GREB1L: variants seen among roughly 807,000 people sequenced by gnomAD.
GREB1L encodes the protein GREB1-like protein.
A neutral mutation model predicts 200.8 loss-of-function variants in GREB1L; 17 were observed. The observed-to-expected ratio is 0.08, with a 90% CI of 0.06 to 0.13. The LOEUF (loss-of-function observed/expected upper bound fraction) is 0.13, where lower values mean the gene tolerates loss of function less well. Among genes scored for constraint, GREB1L ranks in the 10% least tolerant of loss-of-function variants. GREB1L has a pLI of 1.00. For missense variants in GREB1L, 1,657 were observed against 2,367.7 expected (o/e 0.70, Z 6.23); for synonymous variants, 789 against 893.0 (o/e 0.88, Z 2.08).
At chr18:21,522,348 C>G (rs1470488562) in intron 32 of GREB1L, among the ~76,000 whole-genome samples, 2 of 151,924 alleles carry the variant, frequency 1.3e-5, no homozygotes, top group Non-Finnish European at 2.9e-5. Flanking sequence ...GTGGCAGACA[C>G]CTGTAGTCTC....
chr18:21,372,150 CT>C (rs1010758595), intron 2 of GREB1L, among the ~76,000 whole-genome samples: 2,306 of 139,330 alleles, frequency 0.017, 44 homozygotes, highest in African/African-American at 0.049. Flanking sequence ...ATTTGTCTCT[CT>C]TTTTTTTTTT....
chr18:21,401,055 G>A, intron 5 of GREB1L, 95 bp from the exon 6 acceptor site: 1 of 979,892 alleles, frequency 1.0e-6, no homozygotes, highest in Non-Finnish European at 1.5e-6. Context: ...GACATTTTTG[G>A]GTCAAAGAAT....
intron 7 of GREB1L, among the ~76,000 whole-genome samples, chr18:21,426,876 G>A (rs58424895): frequency 0.2 from 30,657 of 149,826 alleles, 3,764 homozygotes; most frequent in East Asian, 0.43. Context: ...GGAGAATGGC[G>A]TGAACCCGGG....
chr18:21,288,969 C>T lies in GREB1L; in HGVS notation c.-120+46576C>T, dbSNP rs191509531. Among the ~76,000 whole-genome samples, 99 of 152,252 alleles carry T rather than the reference C, an allele frequency of 6.5e-4. No individual in the cohort carries two copies. In the Middle Eastern group the frequency reaches 0.014, roughly 21 times the overall value. ...GCCAGGCTGGTCTGTAACTCCTGAC[C>T]TCATGATCCACTCGCCTCGGCCTCC... On this transcript the variant is annotated intron_variant, in intron 1 of 32. Transcript: ENST00000424526.
chr18:21,468,885 G>A (rs1229298328), intron 15 of GREB1L: 1 of 426,186 alleles, frequency 2.3e-6, no homozygotes, highest in Non-Finnish European at 4.7e-6. Flanking sequence ...ATTAAATTGA[G>A]GTTTTGAGTT....
At chr18:21,342,625 A>G (rs756640719) in intron 1 of GREB1L, among the ~76,000 whole-genome samples, 55 of 152,110 alleles carry the variant, frequency 3.6e-4, no homozygotes, top group Non-Finnish European at 7.3e-4. Context: ...CTGGTGTCTT[A>G]ACTAATGTGA....
rs1196081632 is a variant in GREB1L at position 21,444,321 on chromosome 18, A to G, written c.1305A>G (p.Lys435=). The change falls in exon 11 of 33, where the codon AAA becomes AAG. Residue 435 remains lysine, a synonymous_variant. Transcript: ENST00000424526. ...NCYKIPQLEN[K]DLEKLGLTGS... ...ACAAGATTCCACAGTTGGAAAACAA[A>G]GATTTGGAAAAATTAGGGTTGACCG... 6.4e-7 allele frequency: 1 copy of G among 1,552,080 alleles called. No homozygotes were observed. The highest frequency in any genetic ancestry group is 2.0e-5 in the Admixed American group (1 of 51,002).
At chr18:21,348,510 C>T (rs1263942720) in intron 1 of GREB1L, among the ~76,000 whole-genome samples, 1 of 152,032 alleles carries the variant, frequency 6.6e-6, no homozygotes, top group Non-Finnish European at 1.5e-5. Context: ...CACAGTGGCT[C>T]ATGTCTGTAA....
intron 1 of GREB1L, among the ~76,000 whole-genome samples, chr18:21,351,589 C>G (rs1220129804): frequency 6.7e-6 from 1 of 148,232 alleles, no homozygotes; most frequent in Non-Finnish European, 1.5e-5. Flanking sequence ...AAAAAAAAGG[C>G]ACAGAGATGG....
In GREB1L at chr18:21,389,819, G is replaced by C. The variant is rs564881786; in HGVS notation, c.355+5416G>C. ...GGACTCATTAACAAGTATGAAATAG[G>C]TGAATGCCGACACAGTCAATGGCTG... On this transcript the variant is annotated intron_variant, in intron 4 of 32. Coordinates refer to ENST00000424526, the MANE Select transcript of GREB1L (RefSeq NM_001142966.3). Among the ~76,000 whole-genome samples the C allele has an allele frequency of 6.1e-4, 93 of 152,294 alleles. No individual in the cohort carries two copies. In the South Asian group the frequency reaches 0.018, roughly 30 times the overall value.
intron 18 of GREB1L, among the ~76,000 whole-genome samples, chr18:21,487,621 G>A (rs1351006215): frequency 1.3e-5 from 2 of 152,154 alleles, no homozygotes; most frequent in African/African-American, 2.4e-5. Context: ...ATAAAATCTA[G>A]AGCTAGCTTT....
rs770688302 is a variant in GREB1L, at chr18:21,526,025, T to C, written c.*3204T>C. ...GCAGCTGCCTTGAAAAGACTATTAA[T>C]TAACTGTGAAACTGACTGCTGCAAC... is the stretch of plus-strand genomic sequence containing the variant. On this transcript the variant is annotated 3_prime_UTR_variant, in exon 33 of 33. Transcript: ENST00000424526. 1.3e-5 allele frequency among the ~76,000 whole-genome samples: 2 copies of C among 152,124 alleles called. No individual in the cohort carries two copies. Among genetic ancestry groups the C allele is most frequent in the African/African-American group, 2.4e-5 (1 of 41,434 alleles).
chr18:21,359,226 C>T (rs545091322), intron 1 of GREB1L, among the ~76,000 whole-genome samples: 187 of 152,276 alleles, frequency 1.2e-3, no homozygotes, highest in African/African-American at 4.2e-3. Context: ...GAGGCCAAGG[C>T]GGATTATGAG....
In GREB1L at chr18:21,500,043, A is replaced by C. The variant is rs908658987; in HGVS notation, c.3706A>C (p.Lys1236Gln). Reference sequence around the variant, plus strand: ...CCTGCCACCAGTGGTGATCCTATCCAAAGCGGCCTACAGTCTCCTGGGCTC... The same window carrying C: ...CCTGCCACCAGTGGTGATCCTATCCCAAGCGGCCTACAGTCTCCTGGGCTC... ...AALPPVVILS[K>Q]AAYSLLGSQK... The change falls in exon 22 of 33, where the codon AAA (lysine) becomes CAA (glutamine). Residue 1236 changes from lysine to glutamine, a missense_variant. Physicochemically the swap from Lys to Gln is moderately conservative, Grantham distance 53. Around this residue, in one of 9 missense-constraint regions of GREB1L, gnomAD observed 512 missense variants for 668.3 expected, o/e 0.77. Transcript: ENST00000424526. The C allele has an allele frequency of 4.5e-6, 7 of 1,551,484 alleles. No homozygotes were observed. In the African/African-American group the frequency reaches 9.6e-5, roughly 21 times the overall value.
Position 21,383,610 on chromosome 18 carries a change from T to G in GREB1L, c.92T>G (p.Val31Gly), listed in dbSNP as rs895725133. 7 of 1,551,190 alleles carry G rather than the reference T, an allele frequency of 4.5e-6. No homozygotes were observed. The African/African-American group carries it at 9.6e-5, about 21-fold the overall frequency. The change falls in exon 3 of 33, where the codon GTG (valine) becomes GGG (glycine). Residue 31 changes from valine (V) to glycine (G), a missense_variant. This residue lies in a region of GREB1L where 121 missense variants were observed against 126.6 expected (regional missense o/e 0.96). Transcript: ENST00000424526. ...SIEASLRCSS[V>G]VPRPIFSQLY... is the part of the protein sequence containing the mutation. ...GAAGCCTCCCTCAGATGTAGTAGTG[T>G]GGTACCACGGCCAATTTTTTCCCAG...
intron 7 of GREB1L, among the ~76,000 whole-genome samples, chr18:21,438,975 AAAAAG>A (rs950352791): frequency 8.6e-4 from 125 of 145,034 alleles, no homozygotes; most frequent in African/African-American, 1.3e-3. Flanking sequence ...AAAAAAAAAA[AAAAAG>A]AAAAGAAAAG....
chr18:21,365,569 T>C (rs2039659456), intron 1 of GREB1L, among the ~76,000 whole-genome samples: 1 of 152,178 alleles, frequency 6.6e-6, no homozygotes, highest in African/African-American at 2.4e-5. Context: ...TCAATAGTAA[T>C]TATGTTTTAC....
chr18:21,304,758 G>T (rs960197851), intron 1 of GREB1L, among the ~76,000 whole-genome samples: 1 of 152,106 alleles, frequency 6.6e-6, no homozygotes, highest in African/African-American at 2.4e-5. Context: ...GAGCAGCTTG[G>T]TATTGTCAAT....
At chr18:21,517,166 A>G (rs930129087) in intron 30 of GREB1L, among the ~76,000 whole-genome samples, 10 of 152,156 alleles carry the variant, frequency 6.6e-5, no homozygotes, top group African/African-American at 2.4e-4. Flanking sequence ...GAGCCACCGC[A>G]TCCGGCCATT....
Sources: allele counts gnomAD v4.1 joint callset (sites outside exome capture counted in the v4.1 genomes callset), GRCh38; gene constraint gnomAD v4.1.1; regional missense constraint gnomAD v4.1.1; transcripts MANE v1.5; gene names NCBI Gene and HGNC (gene_info 2026-07-23, HGNC 2026-07-21).